The following TRPS1 variants were observed in gnomAD, a reference collection of about 807,000 sequenced individuals.
TRPS1 encodes the protein zinc finger transcription factor Trps1.
TRPS1 carries 6 observed loss-of-function variants against 101.2 expected under a neutral mutation model. The observed-to-expected ratio is 0.06, with a 90% CI of 0.03 to 0.12. The LOEUF is 0.12. Among genes scored for constraint, TRPS1 ranks in the 10% least tolerant of loss-of-function variants. TRPS1 has a pLI of 1.00. For synonymous variants in TRPS1, 578 were observed against 589.8 expected (o/e 0.98, Z 0.29); for missense variants, 1,363 against 1,567.0 (o/e 0.87, Z 2.20).
rs1166456412 is a variant in TRPS1, at chr8:115,593,550, T to C, written c.2097-5946A>G. On this transcript the variant is annotated intron_variant, in intron 4 of 6. Transcript: ENST00000395715. ...CATGTATCAGTCTCTCAATAATAACTGACAAGATCTTCAATGTAATGTCAC... is the reference window on the plus strand; with the variant it reads ...CATGTATCAGTCTCTCAATAATAACCGACAAGATCTTCAATGTAATGTCAC... Among the ~76,000 whole-genome samples, 7 of 152,316 alleles carry C rather than the reference T, an allele frequency of 4.6e-5. 1 individual carries two copies. The East Asian group carries it at 1.2e-3, about 25-fold the overall frequency.
intron 5 of TRPS1, among the ~76,000 whole-genome samples, chr8:115,494,308 A>G (rs2130116041): frequency 6.6e-6 from 1 of 152,320 alleles, no homozygotes; most frequent in African/African-American, 2.4e-5. Context: ...CCTCTTTCCA[A>G]AGAAAGCACA....
At position 115,418,517 on chromosome 8, in the gene TRPS1, C is replaced by G. The variant is rs941468477; in HGVS notation, c.2701-65G>C. ...CATGATCAGTGGAGTTAGACCAAAT[C>G]AACCCAGGAGTTTTGTCTTTAAACT... is the stretch of plus-strand genomic sequence containing the variant. On this transcript the variant is annotated intron_variant, in intron 5 of 6. Coordinates refer to ENST00000395715, the MANE Select transcript of TRPS1 (RefSeq NM_014112.5). The surrounding 1 kb of genome is among the most constrained non-coding windows in gnomAD (Gnocchi z 4.3). The G allele has an allele frequency of 1.2e-6, 2 of 1,611,520 alleles. No individual in the cohort carries two copies. Among genetic ancestry groups the G allele is most frequent in the African/African-American group, 1.3e-5 (1 of 74,976 alleles).
rs2129715367 is a variant in TRPS1 at position 115,408,871 on chromosome 8, CT to C, written c.*5151del. ...CCATGTGGTTGTCAAATAGTCCGCCCTAAGGAATTTGGCGTTTATTATTGTG... is the reference window on the plus strand; with the variant it reads ...CCATGTGGTTGTCAAATAGTCCGCCCAAGGAATTTGGCGTTTATTATTGTG... On this transcript the variant is annotated 3_prime_UTR_variant, in exon 7 of 7. Transcript: ENST00000395715. 6.6e-6 allele frequency: 1 copy of C among 152,278 alleles called. No individual in the cohort carries two copies. Among genetic ancestry groups the C allele is most frequent in the South Asian group, 2.1e-4 (1 of 4,824 alleles). The allele number at this position is 152,278 out of a possible 1,614,324, so 9.4% of individuals were successfully genotyped here.
chr8:115,442,829 C>T (rs1813639185), intron 5 of TRPS1, among the ~76,000 whole-genome samples: 1 of 151,592 alleles, frequency 6.6e-6, no homozygotes. Flanking sequence ...CGGTGGCTCA[C>T]GCCGGTAATC....
intron 1 of TRPS1, among the ~76,000 whole-genome samples, chr8:115,632,764 G>A (rs1015809142): frequency 6.6e-6 from 1 of 152,106 alleles, no homozygotes; most frequent in African/African-American, 2.4e-5. Context: ...CACGTGTAAA[G>A]TTCAAAAACA....
At chr8:115,499,419 C>T (rs760373453) in intron 5 of TRPS1, among the ~76,000 whole-genome samples, 2 of 152,074 alleles carry the variant, frequency 1.3e-5, no homozygotes, top group Non-Finnish European at 2.9e-5. Flanking sequence ...TGTGTCTTTA[C>T]TGGGCTCCTC....
At chr8:115,661,166 AT>A (rs950378184) in intron 1 of TRPS1, among the ~76,000 whole-genome samples, 1 of 151,994 alleles carries the variant, frequency 6.6e-6, no homozygotes, top group African/African-American at 2.4e-5. Context: ...TTGATTTATA[AT>A]TTTTTTCATT....
intron 5 of TRPS1, among the ~76,000 whole-genome samples, chr8:115,508,421 T>C (rs772790765): frequency 5.9e-5 from 9 of 152,116 alleles, no homozygotes; most frequent in Admixed American, 1.3e-4. Flanking sequence ...ATTGTCGTAG[T>C]ACTGTCCTCA....
chr8:115,521,350 C>T lies in TRPS1; in HGVS notation c.2700+65651G>A, dbSNP rs565944467. On this transcript the variant is annotated intron_variant, in intron 5 of 6. Coordinates refer to ENST00000395715, the MANE Select transcript of TRPS1 (RefSeq NM_014112.5). Reference sequence around the variant, plus strand: ...TATTTTGTAGTTTCTTGTATTGATTCGTTTGTGCAAGAACATATTTCATAC... The same window carrying T: ...TATTTTGTAGTTTCTTGTATTGATTTGTTTGTGCAAGAACATATTTCATAC... Among the ~76,000 whole-genome samples, 234 of 151,602 alleles carry T rather than the reference C, an allele frequency of 1.5e-3. 1 individual carries two copies. The highest frequency in any genetic ancestry group is 2.4e-3 in the Non-Finnish European group (161 of 67,728).
At chr8:115,425,568 C>T (rs1241507708) in intron 5 of TRPS1, among the ~76,000 whole-genome samples, 1 of 152,200 alleles carries the variant, frequency 6.6e-6, no homozygotes, top group African/African-American at 2.4e-5. Context: ...AATGTCGCCA[C>T]ATAGGGAGCT....
intron 5 of TRPS1, among the ~76,000 whole-genome samples, chr8:115,478,547 T>C (rs892870716): frequency 2.0e-5 from 3 of 152,154 alleles, no homozygotes; most frequent in African/African-American, 7.2e-5. Context: ...CTCATGCCTG[T>C]AATCCCAGCA....
At chr8:115,556,422 G>A (rs1035558290) in intron 5 of TRPS1, among the ~76,000 whole-genome samples, 2 of 152,006 alleles carry the variant, frequency 1.3e-5, no homozygotes, top group Non-Finnish European at 2.9e-5. Flanking sequence ...TCCAAAGACT[G>A]ACCCTAGCTT....
chr8:115,453,348 G>GAT (rs1453869204), intron 5 of TRPS1, among the ~76,000 whole-genome samples: 2 of 152,120 alleles, frequency 1.3e-5, no homozygotes, highest in Non-Finnish European at 2.9e-5. Flanking sequence ...CCTAAAGTTG[G>GAT]ATAGAGTCAG....
Position 115,587,177 on chromosome 8 carries a change from C to T in TRPS1, c.2524G>A (p.Asp842Asn), listed in dbSNP as rs996878145. Residue 842 changes from aspartate to asparagine, a missense_variant, in exon 5 of 7, where the codon GAT becomes AAT. Physicochemically the swap from Asp to Asn is conservative, Grantham distance 23. Transcript: ENST00000395715. ...GTQEQTKTLR[D>N]SPNVEAAHLA... ...TGGGCGGCCTCCACATTGGGACTAT[C>T]CCTTAGAGTCTTTGTCTGCTCTTGG... 8 of 1,614,118 alleles carry T rather than the reference C, an allele frequency of 5.0e-6. No individual in the cohort carries two copies. The African/African-American group carries it at 9.3e-5, about 19-fold the overall frequency.
chr8:115,428,910 C>T (rs1813253413), intron 5 of TRPS1, among the ~76,000 whole-genome samples: 1 of 152,050 alleles, frequency 6.6e-6, no homozygotes, highest in South Asian at 2.1e-4. Flanking sequence ...TGTCATTATT[C>T]AAATGAAAGA....
intron 5 of TRPS1, among the ~76,000 whole-genome samples, chr8:115,571,170 T>A (rs1473650909): frequency 6.6e-6 from 1 of 152,212 alleles, no homozygotes; most frequent in South Asian, 2.1e-4. Flanking sequence ...AATCTAGATA[T>A]AAAACTTAAA....
At chr8:115,478,033 T>A (rs866397676) in intron 5 of TRPS1, among the ~76,000 whole-genome samples, 1 of 152,178 alleles carries the variant, frequency 6.6e-6, no homozygotes, top group Admixed American at 6.5e-5. Context: ...GTGATGAACA[T>A]CCAAGTGTTT....
At chr8:115,507,100 T>A (rs1399763399) in intron 5 of TRPS1, among the ~76,000 whole-genome samples, 5 of 152,224 alleles carry the variant, frequency 3.3e-5, no homozygotes, top group Admixed American at 3.3e-4. Flanking sequence ...AGAACTGTTC[T>A]ACTGTCTGTC....
At chr8:115,589,672 A>C (rs957579075) in intron 4 of TRPS1, among the ~76,000 whole-genome samples, 2 of 152,226 alleles carry the variant, frequency 1.3e-5, no homozygotes, top group Admixed American at 1.3e-4. Flanking sequence ...TTTAACGTGA[A>C]GACGATTATC....
Sources: allele counts gnomAD v4.1 joint callset (sites outside exome capture counted in the v4.1 genomes callset), GRCh38; gene constraint gnomAD v4.1.1; non-coding constraint Gnocchi (gnomAD v3.1); transcripts MANE v1.5; gene names NCBI Gene and HGNC (gene_info 2026-07-23, HGNC 2026-07-21).